The following MEGF11 variants were observed in gnomAD, a reference collection of about 807,000 sequenced individuals.
The protein encoded by MEGF11 is multiple EGF like domains 11, also known as multiple epidermal growth factor-like domains protein 11.
In MEGF11, 126 loss-of-function variants were observed where a neutral mutation model predicts 146.6. The observed-to-expected ratio is 0.86, with a 90% CI of 0.74 to 1.00. The LOEUF (loss-of-function observed/expected upper bound fraction) is 1.00. Ranked by LOEUF, MEGF11 falls within the 50% of genes least tolerant of loss-of-function variation. The probability of loss-of-function intolerance (pLI) is 0.00; values close to 1 mark genes in which losing one functional copy is unlikely to be tolerated. For missense variants in MEGF11, 1,509 were observed against 1,521.2 expected (o/e 0.99, Z 0.13); for synonymous variants, 532 against 583.4 (o/e 0.91, Z 1.27).
At chr15:65,944,629 G>A (rs1174547513) in intron 10 of MEGF11, among the ~76,000 whole-genome samples, 4 of 152,210 alleles carry the variant, frequency 2.6e-5, no homozygotes, top group Non-Finnish European at 4.4e-5. Context: ...GCAGGTGAGT[G>A]ACTCAGTGTT....
At chr15:66,044,697 AT>A (rs56371979) in intron 5 of MEGF11, among the ~76,000 whole-genome samples, 148,173 of 151,534 alleles carry the variant, frequency 0.98, 72,531 homozygotes, top group Middle Eastern at 1. Context: ...AATAATAATA[AT>A]AATAAATAGC....
intron 4 of MEGF11, 137 bp from the exon 5 acceptor site, chr15:66,094,631 G>A: frequency 3.0e-6 from 2 of 674,322 alleles, no homozygotes; most frequent in Non-Finnish European, 5.1e-6. Context: ...GCTTGGGGGG[G>A]AAAATCAAGC....
At chr15:66,077,787 G>A (rs2085655070) in intron 5 of MEGF11, among the ~76,000 whole-genome samples, 1 of 152,172 alleles carries the variant, frequency 6.6e-6, no homozygotes. Context: ...TGGGAATCAG[G>A]GAACCTTCAC....
chr15:66,159,093 G>A (rs1478685730), intron 1 of MEGF11, among the ~76,000 whole-genome samples: 3 of 152,152 alleles, frequency 2.0e-5, no homozygotes, highest in African/African-American at 7.2e-5. Flanking sequence ...ATGATTCTAA[G>A]TCTGTCAGGT....
At chr15:65,996,023 G>A (rs77093223) in intron 5 of MEGF11, among the ~76,000 whole-genome samples, 2,505 of 152,280 alleles carry the variant, frequency 0.016, 73 homozygotes, top group African/African-American at 0.056. Context: ...CCAGAGTCCT[G>A]GGGAAGCCTC....
At chr15:65,925,520 A>G (rs1358233910) in intron 13 of MEGF11, among the ~76,000 whole-genome samples, 1 of 152,170 alleles carries the variant, frequency 6.6e-6, no homozygotes, top group Admixed American at 6.5e-5. Flanking sequence ...CAACTTACTG[A>G]TATGATCAAA....
intron 5 of MEGF11, among the ~76,000 whole-genome samples, chr15:66,076,444 A>G (rs1208425435): frequency 6.6e-6 from 1 of 152,170 alleles, no homozygotes; most frequent in Admixed American, 6.5e-5. Context: ...TATTTTTATA[A>G]CTTTATTAAT....
intron 1 of MEGF11, among the ~76,000 whole-genome samples, chr15:66,183,089 A>G (rs1200326716): frequency 6.6e-6 from 1 of 152,194 alleles, no homozygotes; most frequent in Non-Finnish European, 1.5e-5. Flanking sequence ...TTAATTTAAA[A>G]CACACACACA....
intron 10 of MEGF11, among the ~76,000 whole-genome samples, chr15:65,954,349 C>T (rs757358492): frequency 1.3e-5 from 2 of 152,192 alleles, no homozygotes; most frequent in East Asian, 3.9e-4. Flanking sequence ...CTACTTTGAC[C>T]AGAACTGGCT....
chr15:65,980,543 C>T (rs2081600418), intron 7 of MEGF11, among the ~76,000 whole-genome samples: 3 of 151,972 alleles, frequency 2.0e-5, no homozygotes, highest in South Asian at 2.1e-4. Flanking sequence ...AGATTACAGA[C>T]GTATGACACA....
chr15:65,916,514 C>T (rs970549544), intron 17 of MEGF11: 15 of 662,580 alleles, frequency 2.3e-5, no homozygotes, highest in East Asian at 1.9e-4. Context: ...CTAGGGTCTA[C>T]TTCCTGTGTG....
chr15:65,965,160 A>G lies in MEGF11; in HGVS notation c.900-40T>C, dbSNP rs2081020741. On this transcript the variant is annotated intron_variant, in intron 8 of 25. Coordinates refer to ENST00000395614, the MANE Select transcript of MEGF11 (RefSeq NM_001385028.1). ...AGTGGGGCTGAGGCTGTGGGCCAGGATCCCTCACCTGTGCTTCAAGATCCT... is the reference window on the plus strand; with the variant it reads ...AGTGGGGCTGAGGCTGTGGGCCAGGGTCCCTCACCTGTGCTTCAAGATCCT... 3 of 1,491,582 alleles carry G rather than the reference A, an allele frequency of 2.0e-6. No individual in the cohort carries two copies. In the South Asian group the frequency reaches 3.8e-5, roughly 19 times the overall value. 92.4% of individuals were successfully genotyped at this position (1,491,582 alleles called of 1,614,324 possible). A position where few individuals can be genotyped will look rare whatever the true frequency, so the allele number is the denominator to read the frequency against.
Position 65,929,807 on chromosome 15 carries a change from A to AGGCTGCCCCATTGGCC in MEGF11, c.1484_1485insGGCCAATGGGGCAGCC (p.Cys495TrpfsTer31), listed in dbSNP as rs1364795954. ...TGGGGCTGCAGGCTGCCCCATTGGC[A>AGGCTGCCCCATTGGCC]CAGGTGCAGCTCTCGTTGCAGTTCA... On this transcript the variant is annotated frameshift_variant, in exon 12 of 26. Coordinates refer to ENST00000395614, the MANE Select transcript of MEGF11 (RefSeq NM_001385028.1). LOFTEE classifies it high-confidence loss of function. 4 of 1,576,650 alleles carry AGGCTGCCCCATTGGCC rather than the reference A, an allele frequency of 2.5e-6. No individual in the cohort carries two copies. In the African/African-American group the frequency reaches 5.4e-5, roughly 21 times the overall value.
At chr15:65,959,505 G>C (rs28575490) in intron 9 of MEGF11, among the ~76,000 whole-genome samples, 3 of 152,110 alleles carry the variant, frequency 2.0e-5, no homozygotes, top group South Asian at 2.1e-4. Context: ...GCTGGTAAAG[G>C]TTTCAAAACA....
intron 1 of MEGF11, among the ~76,000 whole-genome samples, chr15:66,237,377 G>A (rs956768795): frequency 1.3e-5 from 2 of 152,032 alleles, no homozygotes; most frequent in Non-Finnish European, 2.9e-5. Context: ...TAAAATTGAT[G>A]GTCTCACCAT....
At chr15:66,065,834 A>G (rs1379724435) in intron 5 of MEGF11, among the ~76,000 whole-genome samples, 1 of 152,020 alleles carries the variant, frequency 6.6e-6, no homozygotes, top group African/African-American at 2.4e-5. Context: ...GGGCCCGGCG[A>G]AGTGGGGGAG....
chr15:66,064,799 G>A (rs1336123368), intron 5 of MEGF11, among the ~76,000 whole-genome samples: 6 of 152,106 alleles, frequency 3.9e-5, no homozygotes, highest in Non-Finnish European at 8.8e-5. Context: ...AAAGTGCTGG[G>A]ATTACAGGCA....
intron 1 of MEGF11, among the ~76,000 whole-genome samples, chr15:66,158,697 A>C (rs1375425888): frequency 6.6e-6 from 1 of 152,250 alleles, no homozygotes; most frequent in Non-Finnish European, 1.5e-5. Flanking sequence ...TAGCCAGGCT[A>C]GGGAAGCATA....
chr15:66,159,807 C>A (rs1395706377), intron 1 of MEGF11, among the ~76,000 whole-genome samples: 1 of 151,980 alleles, frequency 6.6e-6, no homozygotes. Flanking sequence ...GGACCTCACA[C>A]CTGGGCTGGA....
Sources: gnomAD v4.1 joint callset for allele counts (sites outside exome capture counted in the v4.1 genomes callset) on GRCh38, gnomAD v4.1.1 for gene constraint, MANE v1.5 for transcripts, NCBI Gene and HGNC (gene_info 2026-07-23, HGNC 2026-07-21) for gene names.